DMXL2: variants seen among roughly 807,000 people sequenced by gnomAD.
DMXL2 encodes Dmx like 2.
In DMXL2, 103 loss-of-function variants were observed where a neutral mutation model predicts 331.1. The observed-to-expected ratio is 0.31, with a 90% CI of 0.27 to 0.37. DMXL2 has a LOEUF of 0.37. Ranked by LOEUF, DMXL2 falls within the 10% of genes least tolerant of loss-of-function variation. DMXL2 has a pLI of 1.00. For synonymous variants in DMXL2, 1,281 were observed against 1,252.1 expected (o/e 1.02, Z -0.49); for missense variants, 3,171 against 3,642.9 (o/e 0.87, Z 3.33).
intron 2 of DMXL2, among the ~76,000 whole-genome samples, chr15:51,569,185 C>A (rs2050492013): frequency 6.6e-6 from 1 of 152,202 alleles, no homozygotes; most frequent in East Asian, 1.9e-4. Flanking sequence ...AGCTAAGATC[C>A]ACTGGCTTGA....
chr15:51,529,757 T>C (rs1208426004), intron 13 of DMXL2, among the ~76,000 whole-genome samples: 1 of 152,152 alleles, frequency 6.6e-6, no homozygotes, highest in Non-Finnish European at 1.5e-5. Context: ...ACTCATTCTA[T>C]GAGGCCGTAT....
At chr15:51,563,310 A>G in intron 6 of DMXL2, 71 bp downstream of exon 6, 1 of 1,286,146 alleles carries the variant, frequency 7.8e-7, no homozygotes, top group Admixed American at 2.2e-5. Flanking sequence ...AAAACTGAAA[A>G]TAAAAATAAA....
At chr15:51,465,677 C>G in intron 30 of DMXL2, 26 bp from the exon 31 acceptor site, 2 of 1,482,302 alleles carry the variant, frequency 1.3e-6, no homozygotes, top group South Asian at 2.5e-5. Flanking sequence ...CAAAAAGAGT[C>G]TTTAAGTGAA....
intron 1 of DMXL2, among the ~76,000 whole-genome samples, chr15:51,594,680 A>C (rs369884923): frequency 6.6e-6 from 1 of 152,308 alleles, no homozygotes; most frequent in South Asian, 2.1e-4. Context: ...ATACTGGCAA[A>C]CCAAATCCAG....
chr15:51,581,992 T>G (rs2051458418), intron 1 of DMXL2, among the ~76,000 whole-genome samples: 1 of 152,162 alleles, frequency 6.6e-6, no homozygotes, highest in Non-Finnish European at 1.5e-5. Flanking sequence ...GTGTTACTAT[T>G]AAACTCCCAC....
chr15:51,601,736 G>A lies in DMXL2; in HGVS notation c.87+20723C>T, dbSNP rs543314732. On this transcript the variant is annotated intron_variant, in intron 1 of 43. Transcript: ENST00000560891. ...CCTTATCTATTCTTGGCACTATCTAGCTCCATAAAATTTTAGCATCATTCT... is the reference window on the plus strand; with the variant it reads ...CCTTATCTATTCTTGGCACTATCTAACTCCATAAAATTTTAGCATCATTCT... Among the ~76,000 whole-genome samples, 23 of 152,126 alleles carry A rather than the reference G, an allele frequency of 1.5e-4. No individual in the cohort carries two copies. The South Asian group carries it at 3.1e-3, about 21-fold the overall frequency.
intron 1 of DMXL2, among the ~76,000 whole-genome samples, chr15:51,582,910 C>G (rs958148549): frequency 7.2e-5 from 11 of 151,806 alleles, no homozygotes; most frequent in African/African-American, 2.7e-4. Flanking sequence ...CTCCTCATTC[C>G]CAGGAAGCAA....
intron 1 of DMXL2, among the ~76,000 whole-genome samples, chr15:51,618,405 T>C (rs1418401656): frequency 2.0e-5 from 3 of 152,186 alleles, no homozygotes; most frequent in Admixed American, 2.0e-4. Flanking sequence ...TTTCAAGGTT[T>C]GGTGTTACCA....
In DMXL2 at chr15:51,449,161, A is replaced by C. The variant is rs1312476824; in HGVS notation, c.9000T>G (p.His3000Gln). Residue 3000 changes from histidine (H) to glutamine (Q), a missense_variant, in exon 44 of 44, where the codon CAT becomes CAG. Coordinates refer to ENST00000560891, the MANE Select transcript of DMXL2 (RefSeq NM_001378457.1). ...VWRLTGHGLI[H>Q]SFKSEHAKQS... ...GCTTAGCATGTTCACTTTTAAATGA[A>C]TGAATTAGGCCATGGCCTGTCAATC... is the stretch of plus-strand genomic sequence containing the variant. The C allele has an allele frequency of 2.5e-6, 4 of 1,614,196 alleles. No homozygotes were observed. Among genetic ancestry groups the C allele is most frequent in the Non-Finnish European group, 3.4e-6 (4 of 1,180,018 alleles).
intron 9 of DMXL2, among the ~76,000 whole-genome samples, chr15:51,540,563 T>C (rs1013138980): frequency 6.6e-6 from 1 of 152,122 alleles, no homozygotes; most frequent in Non-Finnish European, 1.5e-5. Flanking sequence ...GATGTTAATA[T>C]GTGGTAAATC....
chr15:51,618,058 TTCTG>T (rs768141120), intron 1 of DMXL2, among the ~76,000 whole-genome samples: 39 of 152,330 alleles, frequency 2.6e-4, no homozygotes, highest in African/African-American at 8.2e-4. Flanking sequence ...AATTCTTGAC[TTCTG>T]TCTTTCACTT....
chr15:51,511,389 A>T (rs2046746531), intron 15 of DMXL2, among the ~76,000 whole-genome samples: 1 of 152,272 alleles, frequency 6.6e-6, no homozygotes, highest in African/African-American at 2.4e-5. Flanking sequence ...GGATATGAAC[A>T]GACACTTCTC....
chr15:51,542,586 A>G, intron 8 of DMXL2, 79 bp from the exon 9 acceptor site: 4 of 1,125,250 alleles, frequency 3.6e-6, no homozygotes, highest in Non-Finnish European at 3.7e-6. Context: ...AATTATTAAG[A>G]GGTTTAAGAT....
intron 3 of DMXL2, among the ~76,000 whole-genome samples, chr15:51,566,390 A>G (rs922529751): frequency 6.6e-6 from 1 of 152,214 alleles, no homozygotes. Flanking sequence ...TCACAACAGC[A>G]TAACACTAAA....
chr15:51,519,636 GTTTTTTTTTT>G (rs61062444), intron 13 of DMXL2, among the ~76,000 whole-genome samples: 5 of 84,900 alleles, frequency 5.9e-5, no homozygotes, highest in Non-Finnish European at 1.2e-4. Context: ...AAAGTCTCTT[GTTTTTTTTTT>G]TTTTTTTTTT....
At chr15:51,617,884 TAACA>T (rs1238755019) in intron 1 of DMXL2, among the ~76,000 whole-genome samples, 4 of 152,078 alleles carry the variant, frequency 2.6e-5, no homozygotes, top group Admixed American at 2.6e-4. Context: ...GAAGGCTAAT[TAACA>T]ATCTACGCAG....
chr15:51,538,202 A>T lies in DMXL2; in HGVS notation c.1345+11T>A, dbSNP rs777717636. The T allele has an allele frequency of 6.2e-7, 1 of 1,603,870 alleles. No homozygotes were observed. The highest frequency in any genetic ancestry group is 1.7e-5 in the Admixed American group (1 of 58,790). ...TTTGGAGTAAGTAAAATCTGAACAC[A>T]GGATACTAACCATGGTCTAATTTCA... On this transcript the variant is annotated intron_variant, in intron 10 of 43. Coordinates refer to ENST00000560891, the MANE Select transcript of DMXL2 (RefSeq NM_001378457.1).
chr15:51,547,847 C>T (rs1013000782), intron 6 of DMXL2, among the ~76,000 whole-genome samples: 2 of 152,146 alleles, frequency 1.3e-5, no homozygotes, highest in Admixed American at 1.3e-4. Flanking sequence ...GTTTCTTGCT[C>T]TATATCAAGA....
chr15:51,583,372 C>G (rs1279653401), intron 1 of DMXL2, among the ~76,000 whole-genome samples: 3 of 83,856 alleles, frequency 3.6e-5, no homozygotes, highest in East Asian at 3.2e-4. Flanking sequence ...TGAGAATATG[C>G]GGTGTTTGGT....
Sources: gnomAD v4.1 joint callset for allele counts (sites outside exome capture counted in the v4.1 genomes callset) on GRCh38, gnomAD v4.1.1 for gene constraint, MANE v1.5 for transcripts, NCBI Gene and HGNC (gene_info 2026-07-23, HGNC 2026-07-21) for gene names.